The following CDIN1 variants were observed in gnomAD, a reference collection of about 807,000 sequenced individuals.
CDIN1 encodes CDAN1-interacting nuclease 1.
A neutral mutation model predicts 45.3 loss-of-function variants in CDIN1; 33 were observed. That is an observed-to-expected ratio of 0.73 (90% CI 0.55 to 0.97). CDIN1 has a LOEUF of 0.97. CDIN1 is among the 50% of genes least tolerant of loss of function. The probability of loss-of-function intolerance (pLI) is 0.00; values close to 1 mark genes in which losing one functional copy is unlikely to be tolerated. For synonymous variants in CDIN1, 118 were observed against 124.4 expected (o/e 0.95, Z 0.34); for missense variants, 303 against 339.4 (o/e 0.89, Z 0.84).
At chr15:36,640,757 T>G in intron 1 of CDIN1, 1 of 534,804 alleles carries the variant, frequency 1.9e-6, no homozygotes, top group African/African-American at 2.1e-5. Context: ...CTCCTCTTAA[T>G]CTGTGCTACA....
chr15:36,675,612 T>A (rs1223826506), intron 5 of CDIN1, among the ~76,000 whole-genome samples: 1 of 152,186 alleles, frequency 6.6e-6, no homozygotes, highest in Non-Finnish European at 1.5e-5. Flanking sequence ...TAATTACAAC[T>A]GAAGAAATGT....
chr15:36,608,304 G>T (rs2038476155), intron 1 of CDIN1, among the ~76,000 whole-genome samples: 1 of 152,146 alleles, frequency 6.6e-6, no homozygotes. Flanking sequence ...ATGTATGAGG[G>T]TTTTAATTTC....
intron 10 of CDIN1, among the ~76,000 whole-genome samples, chr15:36,748,282 A>G (rs1371860721): frequency 6.6e-6 from 1 of 152,244 alleles, no homozygotes; most frequent in Non-Finnish European, 1.5e-5. Flanking sequence ...AGTGTGTGCC[A>G]AGTTGAGGTA....
chr15:36,772,137 C>CA (rs530136419), intron 10 of CDIN1, among the ~76,000 whole-genome samples: 187 of 152,192 alleles, frequency 1.2e-3, no homozygotes, highest in Admixed American at 2.7e-3. Flanking sequence ...ATCATATCTT[C>CA]AAGTAGAGTG....
intron 1 of CDIN1, among the ~76,000 whole-genome samples, chr15:36,602,792 C>G (rs539477344): frequency 1.3e-5 from 2 of 152,072 alleles, no homozygotes; most frequent in Non-Finnish European, 2.9e-5. Context: ...TCCTAGCTAA[C>G]ACGGTGAAAC....
intron 1 of CDIN1, chr15:36,617,474 T>A (rs1182604350): frequency 8.4e-6 from 8 of 949,814 alleles, no homozygotes; most frequent in Non-Finnish European, 1.4e-5. Context: ...CAATTAGAAT[T>A]CTGGTTTTCA....
chr15:36,665,786 C>T (rs2041226233), intron 5 of CDIN1, among the ~76,000 whole-genome samples: 1 of 152,068 alleles, frequency 6.6e-6, no homozygotes, highest in Non-Finnish European at 1.5e-5. Context: ...TGGTACAATC[C>T]TGATTTCATA....
chr15:36,644,804 A>G (rs77232048), intron 2 of CDIN1, among the ~76,000 whole-genome samples: 12,386 of 152,236 alleles, frequency 0.081, 654 homozygotes, highest in Middle Eastern at 0.12. Flanking sequence ...TTTTTAAGCA[A>G]TGTTCTTCCT....
intron 8 of CDIN1, chr15:36,707,788 C>T (rs2042922806): frequency 1.3e-5 from 2 of 152,200 alleles, no homozygotes; most frequent in South Asian, 4.1e-4. Flanking sequence ...TAAATATTCT[C>T]ATTGTGGTCA....
chr15:36,711,615 T>C (rs2043059199), intron 10 of CDIN1, among the ~76,000 whole-genome samples: 1 of 152,212 alleles, frequency 6.6e-6, no homozygotes, highest in Non-Finnish European at 1.5e-5. Context: ...GATGTTTTAC[T>C]TAGACTACTA....
At chr15:36,674,862 T>C (rs1370890195) in intron 5 of CDIN1, among the ~76,000 whole-genome samples, 1 of 152,132 alleles carries the variant, frequency 6.6e-6, no homozygotes. Flanking sequence ...TCTCTTTTTC[T>C]TGCTGAACGG....
At chr15:36,743,978 CTTTTT>C (rs34573450) in intron 10 of CDIN1, among the ~76,000 whole-genome samples, 6 of 139,732 alleles carry the variant, frequency 4.3e-5, no homozygotes, top group Admixed American at 4.3e-4. Context: ...CATTTTTTGT[CTTTTT>C]TTTTTTTTTT....
At chr15:36,609,095 C>G (rs999390071) in intron 1 of CDIN1, among the ~76,000 whole-genome samples, 1 of 152,270 alleles carries the variant, frequency 6.6e-6, no homozygotes, top group Non-Finnish European at 1.5e-5. Flanking sequence ...ACTGCAGCCT[C>G]AACCTCACAC....
At position 36,810,136 on chromosome 15, in the gene CDIN1, T is replaced by A. The variant is rs1008558201; in HGVS notation, c.*1683T>A. The A allele has an allele frequency of 4.6e-5, 7 of 152,344 alleles. No individual in the cohort carries two copies. Among genetic ancestry groups the A allele is most frequent in the Admixed American group, 2.6e-4 (4 of 15,304 alleles). The allele number at this position is 152,344 out of a possible 1,614,324, so 9.4% of individuals were successfully genotyped here. A position where few individuals can be genotyped will look rare whatever the true frequency, so the allele number is the denominator to read the frequency against. On this transcript the variant is annotated 3_prime_UTR_variant, in exon 11 of 11. Transcript: ENST00000566621. Reference sequence around the variant, plus strand: ...TTTCTTTAGGAATAAATTACATTTATCTGCACAGATGTTGAAAATCCTGTT... The same window carrying A: ...TTTCTTTAGGAATAAATTACATTTAACTGCACAGATGTTGAAAATCCTGTT...
At chr15:36,734,813 A>G (rs917156226) in intron 10 of CDIN1, among the ~76,000 whole-genome samples, 1 of 152,170 alleles carries the variant, frequency 6.6e-6, no homozygotes, top group Non-Finnish European at 1.5e-5. Context: ...CAACTAGTCA[A>G]TGATCAATGT....
rs749148740 is a variant in CDIN1, at chr15:36,747,539, CAG to C, written c.716+37580_716+37581del. 4.8e-4 allele frequency among the ~76,000 whole-genome samples: 73 copies of C among 152,108 alleles called. 2 individuals are homozygous for C. The highest frequency in any genetic ancestry group is 2.0e-4 in the Admixed American group (3 of 15,272). ...TTAAGTGGTTTTCTTTAAAAAATCA[CAG>C]ACTTAGTCTTCTTAGAGCTAGCCAA... On this transcript the variant is annotated intron_variant, in intron 10 of 10. Coordinates refer to ENST00000566621, the MANE Select transcript of CDIN1 (RefSeq NM_001321759.2).
intron 1 of CDIN1, among the ~76,000 whole-genome samples, chr15:36,630,699 A>G (rs1217409119): frequency 6.6e-6 from 1 of 152,204 alleles, no homozygotes; most frequent in African/African-American, 2.4e-5. Context: ...TCACAGTTCT[A>G]CAAGCTGTAC....
chr15:36,800,909 GTATATATATATATA>G lies in CDIN1; in HGVS notation c.717-7393_717-7380del, dbSNP rs370036091. Among the ~76,000 whole-genome samples, 139 of 22,400 alleles carry G rather than the reference GTATATATATATATA, an allele frequency of 6.2e-3. 2 individuals carry two copies. The highest frequency in any genetic ancestry group is 0.013 in the Non-Finnish European group (108 of 8,560). The allele number at this position is 22,400 out of a possible 152,430, so 14.7% of individuals were successfully genotyped here. A position where few individuals can be genotyped will look rare whatever the true frequency, so the allele number is the denominator to read the frequency against. ...TGTGTGTGTGTGTGTGTGTGTGTGTGTATATATATATATATATATATATATATATATATATGATT... is the reference window on the plus strand; with the variant it reads ...TGTGTGTGTGTGTGTGTGTGTGTGTGTATATATATATATATATATATGATT... On this transcript the variant is annotated intron_variant, in intron 10 of 10. Transcript: ENST00000566621.
intron 1 of CDIN1, among the ~76,000 whole-genome samples, chr15:36,585,484 T>C (rs969878644): frequency 6.6e-6 from 1 of 152,190 alleles, no homozygotes; most frequent in African/African-American, 2.4e-5. Flanking sequence ...CTTTCCTTTG[T>C]GTTTGATGTT....
Sources: allele counts gnomAD v4.1 joint callset (sites outside exome capture counted in the v4.1 genomes callset), GRCh38; gene constraint gnomAD v4.1.1; transcripts MANE v1.5; gene names NCBI Gene and HGNC (gene_info 2026-07-23, HGNC 2026-07-21).